PPP3CC: variants seen among roughly 807,000 people sequenced by gnomAD.
PPP3CC encodes serine/threonine-protein phosphatase 2B catalytic subunit gamma isoform.
Under a neutral mutation model 60.3 loss-of-function variants are expected in PPP3CC, and 35 were observed. That is an observed-to-expected ratio of 0.58 (90% confidence interval 0.44 to 0.77). PPP3CC has a LOEUF of 0.77. Among genes scored for constraint, PPP3CC ranks in the 30% least tolerant of loss-of-function variants. PPP3CC has a pLI of 0.00. For synonymous variants in PPP3CC, 206 were observed against 224.3 expected (o/e 0.92, Z 0.73); for missense variants, 570 against 628.9 (o/e 0.91, Z 1.00).
At chr8:22,447,396 A>G (rs1331663729) in intron 1 of PPP3CC, among the ~76,000 whole-genome samples, 3 of 151,430 alleles carry the variant, frequency 2.0e-5, no homozygotes, top group Admixed American at 1.3e-4. Flanking sequence ...GTTAGCCAGG[A>G]TGGTCTCGGT....
chr8:22,500,519 G>T (rs999071030), intron 4 of PPP3CC, among the ~76,000 whole-genome samples: 15 of 151,958 alleles, frequency 9.9e-5, no homozygotes, highest in African/African-American at 3.6e-4. Flanking sequence ...TGTTTTCAGA[G>T]ACTCAAAGTT....
intron 4 of PPP3CC, among the ~76,000 whole-genome samples, chr8:22,507,939 A>G (rs1838973876): frequency 6.6e-6 from 1 of 152,150 alleles, no homozygotes; most frequent in Admixed American, 6.5e-5. Context: ...TGAGCCTTCA[A>G]TACATTTAAA....
intron 1 of PPP3CC, among the ~76,000 whole-genome samples, chr8:22,452,866 A>G (rs1258926502): frequency 6.6e-6 from 1 of 152,142 alleles, no homozygotes; most frequent in Non-Finnish European, 1.5e-5. Flanking sequence ...CCCATAAACA[A>G]TCTCATTGCT....
intron 4 of PPP3CC, among the ~76,000 whole-genome samples, chr8:22,502,190 T>G (rs1838780660): frequency 6.6e-6 from 1 of 152,138 alleles, no homozygotes; most frequent in Non-Finnish European, 1.5e-5. Flanking sequence ...AAGATGTAGG[T>G]CAATGCAGGT....
At chr8:22,495,728 T>C (rs1267834115) in intron 3 of PPP3CC, among the ~76,000 whole-genome samples, 9 of 151,992 alleles carry the variant, frequency 5.9e-5, no homozygotes, top group African/African-American at 2.2e-4. Flanking sequence ...CTAGCAAATG[T>C]TTGTATTTTT....
intron 1 of PPP3CC, among the ~76,000 whole-genome samples, chr8:22,457,930 A>G (rs1420226822): frequency 6.6e-6 from 1 of 152,094 alleles, no homozygotes; most frequent in East Asian, 1.9e-4. Context: ...CGTCTCTACT[A>G]AAAATACAAA....
At chr8:22,501,168 C>T (rs1295785862) in intron 4 of PPP3CC, among the ~76,000 whole-genome samples, 9 of 151,976 alleles carry the variant, frequency 5.9e-5, no homozygotes. Context: ...TCAACAACAA[C>T]AACAACAACA....
chr8:22,473,379 T>TTA (rs1174698932), intron 1 of PPP3CC, among the ~76,000 whole-genome samples: 2 of 152,076 alleles, frequency 1.3e-5, no homozygotes, highest in African/African-American at 4.8e-5. Context: ...CTCCATGATA[T>TTA]TATATATATA....
At chr8:22,459,243 T>C (rs999088934) in intron 1 of PPP3CC, among the ~76,000 whole-genome samples, 2 of 152,206 alleles carry the variant, frequency 1.3e-5, no homozygotes, top group African/African-American at 4.8e-5. Context: ...CAGACCATTT[T>C]AGTGATTTGT....
At chr8:22,444,010 T>C (rs1836752885) in intron 1 of PPP3CC, among the ~76,000 whole-genome samples, 1 of 152,224 alleles carries the variant, frequency 6.6e-6, no homozygotes, top group Admixed American at 6.5e-5. Context: ...GTGTACCTAA[T>C]TGTTCTATTT....
chr8:22,444,853 AT>A (rs1295673043), intron 1 of PPP3CC, among the ~76,000 whole-genome samples: 3 of 150,920 alleles, frequency 2.0e-5, no homozygotes, highest in Non-Finnish European at 3.0e-5. Context: ...TGTCTGCTTT[AT>A]TTTTTTTTCT....
chr8:22,466,225 C>T (rs563400424), intron 1 of PPP3CC, among the ~76,000 whole-genome samples: 10 of 152,244 alleles, frequency 6.6e-5, no homozygotes, highest in Admixed American at 1.3e-4. Flanking sequence ...TTTTCTTTAT[C>T]CAGTCTATCA....
At chr8:22,492,588 C>T in intron 3 of PPP3CC, 1 of 476,422 alleles carries the variant, frequency 2.1e-6, no homozygotes. Context: ...CCTAGCCCCC[C>T]ACGTTGGCCC....
chr8:22,536,855 T>C (rs80016710), intron 12 of PPP3CC, among the ~76,000 whole-genome samples: 3,011 of 152,332 alleles, frequency 0.02, 111 homozygotes, highest in African/African-American at 0.068. Context: ...CATTCATGTA[T>C]GTCTCACCTT....
chr8:22,494,376 G>A (rs1838500004), intron 3 of PPP3CC, among the ~76,000 whole-genome samples: 1 of 152,096 alleles, frequency 6.6e-6, no homozygotes. Flanking sequence ...GAATAGCACA[G>A]GAAAGACCGG....
intron 1 of PPP3CC, among the ~76,000 whole-genome samples, chr8:22,465,599 A>G (rs1837496366): frequency 6.6e-6 from 1 of 152,166 alleles, no homozygotes; most frequent in African/African-American, 2.4e-5. Context: ...GCTCTCTCTT[A>G]TCCCTCTTTG....
chr8:22,536,374 AG>A lies in PPP3CC; in HGVS notation c.1322-3093del, dbSNP rs1839845332. On this transcript the variant is annotated intron_variant, in intron 12 of 13. Transcript: ENST00000240139. Reference sequence around the variant, plus strand: ...AAAAGGAATGTCCTATAGCATCCTTAGGTAAACATTATGAAAATTTGCTGAT... The same window carrying A: ...AAAAGGAATGTCCTATAGCATCCTTAGTAAACATTATGAAAATTTGCTGAT... 5.2e-5 allele frequency among the ~76,000 whole-genome samples: 8 copies of A among 152,394 alleles called. No homozygotes were observed. The South Asian group carries it at 1.7e-3, about 32-fold the overall frequency.
chr8:22,534,538 G>T (rs1245833960), intron 12 of PPP3CC, among the ~76,000 whole-genome samples: 1 of 152,168 alleles, frequency 6.6e-6, no homozygotes, highest in Non-Finnish European at 1.5e-5. Flanking sequence ...AAAACTACTG[G>T]GCAGTAAAGC....
chr8:22,481,016 C>G (rs1442907235), intron 3 of PPP3CC, among the ~76,000 whole-genome samples: 1 of 152,194 alleles, frequency 6.6e-6, no homozygotes, highest in Non-Finnish European at 1.5e-5. Flanking sequence ...CTGATCAAAA[C>G]AGAATCACAC....
Sources: allele counts gnomAD v4.1 joint callset (sites outside exome capture counted in the v4.1 genomes callset), GRCh38; gene constraint gnomAD v4.1.1; transcripts MANE v1.5; gene names NCBI Gene and HGNC (gene_info 2026-07-23, HGNC 2026-07-21).